GNG7: variants seen among roughly 807,000 people sequenced by gnomAD.
GNG7 encodes G protein subunit gamma 7, also known as guanine nucleotide-binding protein G(I)/G(S)/G(O) subunit gamma-7.
Under a neutral mutation model 4.0 loss-of-function variants are expected in GNG7, and 1 was observed. The observed-to-expected ratio is 0.25, with a 90% CI of 0.09 to 1.18. The LOEUF (loss-of-function observed/expected upper bound fraction) is 1.18. GNG7 is among the 50% of genes most tolerant of loss of function. GNG7 has a pLI of 0.50. For synonymous variants in GNG7, 34 were observed against 36.9 expected (o/e 0.92, Z 0.29); for missense variants, 86 against 91.9 (o/e 0.94, Z 0.26).
In GNG7 at chr19:2,546,652, G is replaced by A. The variant is rs554545712; in HGVS notation, c.-38+8497C>T. Reference sequence around the variant, plus strand: ...GCAGGTCCCGCCGCTGCCTTCAGCCGGAGCTTGGAGCCTAAGAATGAGCCG... The same window carrying A: ...GCAGGTCCCGCCGCTGCCTTCAGCCAGAGCTTGGAGCCTAAGAATGAGCCG... On this transcript the variant is annotated intron_variant, in intron 3 of 4. Transcript: ENST00000382159. The surrounding 1 kb of genome is among the most constrained non-coding windows in gnomAD (Gnocchi z 6.3). Among the ~76,000 whole-genome samples, 41 of 152,296 alleles carry A rather than the reference G, an allele frequency of 2.7e-4. No individual in the cohort carries two copies. Among genetic ancestry groups the A allele is most frequent in the African/African-American group, 9.1e-4 (38 of 41,562 alleles).
At chr19:2,656,059 A>AT (rs1982966890) in intron 1 of GNG7, among the ~76,000 whole-genome samples, 3 of 150,830 alleles carry the variant, frequency 2.0e-5, no homozygotes, top group African/African-American at 7.3e-5. Context: ...AAAGAAAAAA[A>AT]AAAGAAACAT....
At chr19:2,640,652 G>C (rs113856473) in intron 2 of GNG7, among the ~76,000 whole-genome samples, 7 of 152,158 alleles carry the variant, frequency 4.6e-5, no homozygotes, top group Admixed American at 6.5e-5. Context: ...TTGGAGACAG[G>C]GTCTTGCCCT....
intron 1 of GNG7, among the ~76,000 whole-genome samples, chr19:2,694,659 C>T (rs930443655): frequency 6.6e-5 from 10 of 152,142 alleles, no homozygotes; most frequent in Non-Finnish European, 1.5e-4. Context: ...TCTCTCCCTC[C>T]CCACTCAGGG....
At chr19:2,693,586 G>T (rs1913181709) in intron 1 of GNG7, among the ~76,000 whole-genome samples, 1 of 152,042 alleles carries the variant, frequency 6.6e-6, no homozygotes, top group African/African-American at 2.4e-5. Context: ...TCTCCCCTGG[G>T]CACTGTGGAC....
Position 2,545,618 on chromosome 19 carries a change from T to G in GNG7, c.-38+9531A>C, listed in dbSNP as rs1317240080. On this transcript the variant is annotated intron_variant, in intron 3 of 4. Coordinates refer to ENST00000382159, the MANE Select transcript of GNG7 (RefSeq NM_052847.3). ...GTGAGCCAAGATTGCGCCACTATAC[T>G]CCAGCCTAAGCAACAAGAGCGAAAC... 2.3e-5 allele frequency among the ~76,000 whole-genome samples: 3 copies of G among 129,146 alleles called. No individual in the cohort carries two copies. The Admixed American group carries it at 2.7e-4, about 12-fold the overall frequency. The allele number at this position is 129,146 out of a possible 152,430, so 84.7% of individuals were successfully genotyped here. A position where few individuals can be genotyped will look rare whatever the true frequency, so the allele number is the denominator to read the frequency against.
At chr19:2,669,956 G>A (rs575080664) in intron 1 of GNG7, among the ~76,000 whole-genome samples, 4 of 151,002 alleles carry the variant, frequency 2.6e-5, no homozygotes, top group Admixed American at 1.3e-4. Context: ...GTTGCAGTGA[G>A]CTGAGATCGC....
At chr19:2,684,553 A>G (rs1281256710) in intron 1 of GNG7, among the ~76,000 whole-genome samples, 3 of 152,200 alleles carry the variant, frequency 2.0e-5, no homozygotes, top group Non-Finnish European at 1.5e-5. Context: ...AGCCTTCAAC[A>G]GCAGGCAATC....
intron 1 of GNG7, among the ~76,000 whole-genome samples, chr19:2,696,221 G>A (rs1173735205): frequency 6.8e-6 from 1 of 146,046 alleles, no homozygotes; most frequent in Non-Finnish European, 1.5e-5. Context: ...AGGGAAGAGA[G>A]GAGAGAGAGG....
chr19:2,643,897 C>T lies in GNG7; in HGVS notation c.-78+2327G>A, dbSNP rs577793944. ...CTCCAGGCGACCTCTGATCTGTCAC[C>T]TTTTCTAGAATTTTCCTGTAAGTGG... On this transcript the variant is annotated intron_variant, in intron 2 of 4. Coordinates refer to ENST00000382159, the MANE Select transcript of GNG7 (RefSeq NM_052847.3). 1.9e-5 allele frequency: 6 copies of T among 317,810 alleles called. No homozygotes were observed. The East Asian group carries it at 4.8e-4, about 25-fold the overall frequency. The allele number at this position is 317,810 out of a possible 1,614,324, so 19.7% of individuals were successfully genotyped here.
intron 3 of GNG7, among the ~76,000 whole-genome samples, chr19:2,553,566 A>G (rs1047366117): frequency 6.7e-6 from 1 of 149,390 alleles, no homozygotes; most frequent in Non-Finnish European, 1.5e-5. Context: ...TATCACATGT[A>G]ATAAATCATA....
At chr19:2,552,156 C>T (rs1035446619) in intron 3 of GNG7, among the ~76,000 whole-genome samples, 4 of 151,890 alleles carry the variant, frequency 2.6e-5, no homozygotes, top group Non-Finnish European at 4.4e-5. Flanking sequence ...CTAATGGCCT[C>T]GACTGGCCAA....
chr19:2,563,686 T>A (rs1979815812), intron 2 of GNG7, among the ~76,000 whole-genome samples: 1 of 152,106 alleles, frequency 6.6e-6, no homozygotes, highest in African/African-American at 2.4e-5. Flanking sequence ...TTCGCCATGT[T>A]GCCCAGGCTG....
chr19:2,516,248 A>C (rs1259599671), intron 4 of GNG7, among the ~76,000 whole-genome samples: 1 of 151,902 alleles, frequency 6.6e-6, no homozygotes, highest in Non-Finnish European at 1.5e-5. Flanking sequence ...AAATAAATTT[A>C]TGTGTGTCTT....
intron 3 of GNG7, among the ~76,000 whole-genome samples, chr19:2,549,220 C>T (rs960476987): frequency 5.9e-5 from 9 of 151,860 alleles, no homozygotes; most frequent in African/African-American, 1.5e-4. Context: ...CCAGGATATA[C>T]GTTTTGGCAA....
intron 2 of GNG7, among the ~76,000 whole-genome samples, chr19:2,577,106 G>A (rs2965210): frequency 1.3e-5 from 2 of 152,248 alleles, no homozygotes; most frequent in Non-Finnish European, 2.9e-5. Context: ...GCAAGCTGGG[G>A]CTGTGGGGCA....
rs1416384928 is a variant in GNG7, at chr19:2,687,979, G to A, written c.-135+14667C>T. Among the ~76,000 whole-genome samples the A allele has an allele frequency of 4.0e-5, 6 of 151,634 alleles. No homozygotes were observed. In the East Asian group the frequency reaches 7.8e-4, roughly 20 times the overall value. On this transcript the variant is annotated intron_variant, in intron 1 of 4. Coordinates refer to ENST00000382159, the MANE Select transcript of GNG7 (RefSeq NM_052847.3). Reference sequence around the variant, plus strand: ...CTGCCTCCAGATAAAATAGCCGGGCGCGGTGGCTCACGCCTGTAATCCCAG... The same window carrying A: ...CTGCCTCCAGATAAAATAGCCGGGCACGGTGGCTCACGCCTGTAATCCCAG...
chr19:2,651,617 G>A (rs988589989), intron 1 of GNG7, among the ~76,000 whole-genome samples: 1 of 143,634 alleles, frequency 7.0e-6, no homozygotes, highest in African/African-American at 2.6e-5. Flanking sequence ...CCAGGCTGGA[G>A]TGCAGTGGTG....
intron 2 of GNG7, among the ~76,000 whole-genome samples, chr19:2,629,048 T>C (rs1197233909): frequency 6.6e-6 from 1 of 152,140 alleles, no homozygotes; most frequent in Non-Finnish European, 1.5e-5. Flanking sequence ...ATGGTGGCCA[T>C]TGCTGCTGTA....
At chr19:2,700,591 A>G (rs975569453) in intron 1 of GNG7, 1 of 152,240 alleles carries the variant, frequency 6.6e-6, no homozygotes, top group African/African-American at 2.4e-5. Flanking sequence ...CACCAAAGAA[A>G]AAAACTGGAT....
Sources: allele counts gnomAD v4.1 joint callset (sites outside exome capture counted in the v4.1 genomes callset), GRCh38; gene constraint gnomAD v4.1.1; non-coding constraint Gnocchi (gnomAD v3.1); transcripts MANE v1.5; gene names NCBI Gene and HGNC (gene_info 2026-07-23, HGNC 2026-07-21).